The following FANCG variants were observed in gnomAD, a reference collection of about 807,000 sequenced individuals.
FANCG encodes Fanconi anemia group G protein.
A neutral mutation model predicts 73.3 loss-of-function variants in FANCG; 67 were observed. The observed-to-expected ratio is 0.91, with a 90% confidence interval of 0.75 to 1.12. The LOEUF (loss-of-function observed/expected upper bound fraction) is 1.12. Ranked by LOEUF, FANCG falls within the 50% of genes most tolerant of loss-of-function variation. The pLI, the probability that FANCG is intolerant of heterozygous loss-of-function variation, is 0.00. For missense variants in FANCG, 643 were observed against 735.6 expected, an observed-to-expected ratio of 0.87 and a Z score of 1.46; for synonymous variants, 297 against 311.6, an observed-to-expected ratio of 0.95 and a Z score of 0.49.
rs1251968708 is a variant in FANCG at position 35,076,577 on chromosome 9, T to TC, written c.930dup (p.Asn311GlufsTer14). 1 of 1,614,008 alleles carries TC rather than the reference T, an allele frequency of 6.2e-7. No individual in the cohort carries two copies. Among genetic ancestry groups the TC allele is most frequent in the African/African-American group, 1.3e-5 (1 of 74,912 alleles). On this transcript the variant is annotated frameshift_variant, in exon 8 of 14. Coordinates refer to ENST00000378643, the MANE Select transcript of FANCG (RefSeq NM_004629.2). LOFTEE classifies it high-confidence loss of function. Reference sequence around the variant, plus strand: ...GGGGCTTTGGAACTGCATGGGACATTCAAGGCCTAAAAGAGAAAGAAAAAA... The same window carrying TC: ...GGGGCTTTGGAACTGCATGGGACATTCCAAGGCCTAAAAGAGAAAGAAAAAA...
At position 35,075,612 on chromosome 9, in the gene FANCG, G is replaced by C. The variant is rs775293827; in HGVS notation, c.1286C>G (p.Pro429Arg). Residue 429 changes from proline (P) to arginine (R), a missense_variant, in exon 10 of 14, where the codon CCC becomes CGC. Pro to Arg is a moderately radical substitution (Grantham distance 103). Coordinates refer to ENST00000378643, the MANE Select transcript of FANCG (RefSeq NM_004629.2). ...ATCTTCCCACAGCCGGGACATCTTG[G>C]GTAGCAGAGATGATGTGCGGCTGAG... ...ELLSRTSSLL[P>R]KMSRLWEDAR... 6.2e-7 allele frequency: 1 copy of C among 1,614,060 alleles called. No homozygotes were observed. The highest frequency in any genetic ancestry group is 1.3e-5 in the African/African-American group (1 of 74,982).
chr9:35,076,154 A>C (rs1051708080), intron 8 of FANCG, 126 bp from the exon 9 acceptor site: 15 of 1,052,488 alleles, frequency 1.4e-5, no homozygotes, highest in Non-Finnish European at 2.2e-5. Flanking sequence ...AAGGGAGGGA[A>C]GGTCTTAGGG....
chr9:35,076,247 G>T, intron 8 of FANCG, 185 bp downstream of exon 8: 1 of 801,296 alleles, frequency 1.2e-6, no homozygotes. Flanking sequence ...GATAGAGAAG[G>T]TTAATGTCTT....
chr9:35,078,089 G>T, intron 4 of FANCG, 52 bp downstream of exon 4: 1 of 1,534,916 alleles, frequency 6.5e-7, no homozygotes, highest in Non-Finnish European at 9.0e-7. Flanking sequence ...TGGAGAGAAA[G>T]GAGGAGGAAG....
chr9:35,076,441 TGTAGG>T lies in FANCG; in HGVS notation c.1062_1066del (p.Cys354Ter). On this transcript the variant is annotated stop_gained and frameshift_variant, in exon 8 of 14. Coordinates refer to ENST00000378643, the MANE Select transcript of FANCG (RefSeq NM_004629.2). LOFTEE classifies it high-confidence loss of function. ...GCAAGGGGAACCTCACCTCCCCGTCTGTAGGCACCTGCTTGCTAGTATGTGCTTGG... is the reference window on the plus strand; with the variant it reads ...GCAAGGGGAACCTCACCTCCCCGTCTCACCTGCTTGCTAGTATGTGCTTGG... 4 of 1,614,080 alleles carry T rather than the reference TGTAGG, an allele frequency of 2.5e-6. No homozygotes were observed. Among genetic ancestry groups the T allele is most frequent in the Non-Finnish European group, 2.5e-6 (3 of 1,180,012 alleles).
rs201041980 is a variant in FANCG, at chr9:35,075,740, G to A, written c.1158C>T (p.Pro386=). Reference sequence around the variant, plus strand: ...CAGGCATACAGGGCCCTGGAGGGGAGGGGGGTGGGGAGAACTGGAGTGGGA... The same window carrying A: ...CAGGCATACAGGGCCCTGGAGGGGAAGGGGGTGGGGAGAACTGGAGTGGGA... ...DSSEPRFSPP[P]SPPGPCMPEV... The change falls in exon 10 of 14, where the codon CCC becomes CCT. Residue 386 remains proline, a synonymous_variant. Transcript: ENST00000378643. 8 of 588,334 alleles carry A rather than the reference G, an allele frequency of 1.4e-5. No homozygotes were observed. Among genetic ancestry groups the A allele is most frequent in the African/African-American group, 2.1e-5 (1 of 47,856 alleles). The allele number at this position is 588,334 out of a possible 1,614,324, so 36.4% of individuals were successfully genotyped here.
rs777855071 is a variant in FANCG at position 35,076,882 on chromosome 9, G to C, written c.778-12C>G. 10 of 1,614,226 alleles carry C rather than the reference G, an allele frequency of 6.2e-6. No individual in the cohort carries two copies. Among genetic ancestry groups the C allele is most frequent in the South Asian group, 5.5e-5 (5 of 91,086 alleles). ...CTCTGTGGATTTCCCTAAAGGGATA[G>C]GAGGACACGGGCCTCAGCTACCCTT... On this transcript the variant is annotated splice_polypyrimidine_tract_variant and intron_variant, in intron 6 of 13. Coordinates refer to ENST00000378643, the MANE Select transcript of FANCG (RefSeq NM_004629.2).
chr9:35,077,761 ATTT>A (rs59086497), intron 4 of FANCG, among the ~76,000 whole-genome samples: 2 of 145,338 alleles, frequency 1.4e-5, no homozygotes, highest in East Asian at 2.0e-4. Context: ...CCAAAAAAAA[ATTT>A]TTTTTTTTTT....
chr9:35,076,949 T>A (rs1483302000), intron 6 of FANCG, 22 bp downstream of exon 6: 1 of 1,614,010 alleles, frequency 6.2e-7, no homozygotes, highest in Non-Finnish European at 8.5e-7. Flanking sequence ...GTTTCCCCAA[T>A]CCACCCTAGG....
chr9:35,079,381 T>C, intron 1 of FANCG, 60 bp downstream of exon 1: 1 of 1,604,332 alleles, frequency 6.2e-7, no homozygotes, highest in Non-Finnish European at 8.5e-7. Context: ...GTAAATCCAC[T>C]GCAAACCCGC....
chr9:35,078,631 T>G lies in FANCG; in HGVS notation c.281A>C (p.Gln94Pro), dbSNP rs1476641759. 1 of 1,614,046 alleles carries G rather than the reference T, an allele frequency of 6.2e-7. No homozygotes were observed. The highest frequency in any genetic ancestry group is 8.5e-7 in the Non-Finnish European group (1 of 1,180,028). ...TCTCTCTAGGCTCCGCTGGATATCC[T>G]GGGCCTGATCCTCTGTGAAACCCTG... ...LAQGFTEDQA[Q>P]DIQRSLERVL... Residue 94 changes from glutamine to proline, a missense_variant, in exon 3 of 14, where the codon CAG (glutamine) becomes CCG (proline). Transcript: ENST00000378643.
intron 8 of FANCG, 179 bp from the exon 9 acceptor site, chr9:35,076,207 G>T: frequency 1.3e-6 from 1 of 799,176 alleles, no homozygotes; most frequent in Non-Finnish European, 2.1e-6. Flanking sequence ...GTTACAGAAT[G>T]GACTGGGGAA....
Position 35,075,734 on chromosome 9 carries a change from AG to A in FANCG, c.1163del (p.Pro388LeufsTer15). 1.7e-6 allele frequency: 1 copy of A among 603,114 alleles called. No individual in the cohort carries two copies. Among genetic ancestry groups the A allele is most frequent in the Non-Finnish European group, 2.9e-6 (1 of 339,340 alleles). The allele number at this position is 603,114 out of a possible 1,614,324, so 37.4% of individuals were successfully genotyped here. The stretch of plus-strand genomic sequence containing the variant: ...ACACCTCAGGCATACAGGGCCCTGG[AG>A]GGGAGGGGGGTGGGGAGAACTGGAG... ...SEPRFSPPPS[P>X]PGPCMPEVFL... is the part of the protein sequence containing the mutation. On this transcript the variant is annotated frameshift_variant, in exon 10 of 14. Transcript: ENST00000378643. LOFTEE classifies it high-confidence loss of function.
In FANCG at chr9:35,079,148, T is replaced by C. The variant is rs748452079; in HGVS notation, c.175+3A>G. The stretch of plus-strand genomic sequence containing the variant: ...CTGACCATCCTGGGGAGGACCCGCC[T>C]ACCTTGCAGACTATGGAGGAGCCCT... On this transcript the variant is annotated splice_donor_region_variant and intron_variant, in intron 2 of 13. Transcript: ENST00000378643. 6.2e-7 allele frequency: 1 copy of C among 1,605,414 alleles called. No homozygotes were observed.
At chr9:35,075,250 G>GT (rs1423705582) in intron 11 of FANCG, 29 bp downstream of exon 11, 1 of 1,613,416 alleles carries the variant, frequency 6.2e-7, no homozygotes, top group African/African-American at 1.3e-5. Context: ...CTTCCAGGAG[G>GT]TAAGAGGAAA....
rs202114813 is a variant in FANCG at position 35,078,203 on chromosome 9, A to T, written c.448T>A (p.Trp150Arg). The T allele has an allele frequency of 1.2e-6, 2 of 1,614,204 alleles. No individual in the cohort carries two copies. Among genetic ancestry groups the T allele is most frequent in the Admixed American group, 1.7e-5 (1 of 60,022 alleles). Residue 150 changes from tryptophan (W) to arginine (R), a missense_variant, in exon 4 of 14, where the codon TGG becomes AGG. Transcript: ENST00000378643. ...TCCCCAAGACGGTCAGCACTCAACCAGAGGGCAGCCTGCAGGCCAACCAGG... is the reference window on the plus strand; with the variant it reads ...TCCCCAAGACGGTCAGCACTCAACCTGAGGGCAGCCTGCAGGCCAACCAGG... ...HRLVGLQAALWLSADRLGDLA... is the reference protein window; with the variant it reads ...HRLVGLQAALRLSADRLGDLA...
In FANCG at chr9:35,077,312, C is replaced by T. The variant is rs1377379511; in HGVS notation, c.598G>A (p.Ala200Thr). The T allele has an allele frequency of 1.9e-6, 3 of 1,614,064 alleles. No individual in the cohort carries two copies. The African/African-American group carries it at 4.0e-5, about 22-fold the overall frequency. The change falls in exon 5 of 14, where the codon GCC becomes ACC. Residue 200 changes from alanine (A) to threonine (T), a missense_variant. Transcript: ENST00000378643. ...AGGAGGACATCCTTCAATCCCTGGG[C>T]ATCCTGCAGGGTCAATGGAGCATCT... ...ELDAPLTLQD[A>T]QGLKDVLLTA...
chr9:35,078,866 CT>C (rs1203120644), intron 2 of FANCG, 130 bp from the exon 3 acceptor site: 9 of 1,292,894 alleles, frequency 7.0e-6, no homozygotes, highest in African/African-American at 3.0e-5. Context: ...AGCCAATTAG[CT>C]AAGGATTTAA....
At position 35,077,030 on chromosome 9, in the gene FANCG, A is replaced by G. The variant is rs1829098363; in HGVS notation, c.718T>C (p.Cys240Arg). 6.2e-7 allele frequency: 1 copy of G among 1,614,098 alleles called. No individual in the cohort carries two copies. The change falls in exon 6 of 14, where the codon TGT (cysteine) becomes CGT (arginine). Residue 240 changes from cysteine (C) to arginine (R), a missense_variant. Transcript: ENST00000378643. ...ACCTGGACCAACACAGGCCGTGGAC[A>G]CAGGCCTGAGGCCGCTTCATGAAGG... ...SSLHEAASGL[C>R]PRPVLVQVYT...
Sources: gnomAD v4.1 joint callset for allele counts (sites outside exome capture counted in the v4.1 genomes callset) on GRCh38, gnomAD v4.1.1 for gene constraint, MANE v1.5 for transcripts, NCBI Gene and HGNC (gene_info 2026-07-23, HGNC 2026-07-21) for gene names.